The following MYT1L variants were observed in gnomAD, a reference collection of about 807,000 sequenced individuals.
MYT1L encodes the protein myelin transcription factor 1-like protein.
MYT1L carries 12 observed loss-of-function variants against 126.7 expected under a neutral mutation model. That is an observed-to-expected ratio of 0.09 (90% CI 0.06 to 0.15). MYT1L has a LOEUF of 0.15. MYT1L is among the 10% of genes least tolerant of loss of function. MYT1L has a pLI of 1.00. For missense variants in MYT1L, 979 were observed against 1,585.2 expected, an observed-to-expected ratio of 0.62 and a Z score of 6.49; for synonymous variants, 541 against 604.2, an observed-to-expected ratio of 0.90 and a Z score of 1.53.
intron 3 of MYT1L, among the ~76,000 whole-genome samples, chr2:2,170,612 T>C (rs868315939): frequency 6.6e-6 from 1 of 152,284 alleles, no homozygotes; most frequent in African/African-American, 2.4e-5. Context: ...AACATAGCAA[T>C]GTATTCCCAT....
intron 3 of MYT1L, among the ~76,000 whole-genome samples, chr2:2,055,891 T>C (rs1271727153): frequency 6.6e-6 from 1 of 152,222 alleles, no homozygotes; most frequent in Non-Finnish European, 1.5e-5. Context: ...TGTCCATCGT[T>C]GTTTTGGGAA....
In MYT1L at chr2:1,979,455, G is replaced by T; in HGVS notation, c.89+66C>A. On this transcript the variant is annotated intron_variant, in intron 7 of 24. Coordinates refer to ENST00000647738, the MANE Select transcript of MYT1L (RefSeq NM_001303052.2). The surrounding 1 kb of genome is among the most constrained non-coding windows in gnomAD (Gnocchi z 4.0). ...GCCGATGAGCTGGAAGGTGCAGTGT[G>T]CCCATTAGAAGGCGTGAATTTTCCA... 1 of 1,441,872 alleles carries T rather than the reference G, an allele frequency of 6.9e-7. No homozygotes were observed. The highest frequency in any genetic ancestry group is 9.8e-7 in the Non-Finnish European group (1 of 1,023,436). The allele number at this position is 1,441,872 out of a possible 1,614,324, so 89.3% of individuals were successfully genotyped here.
At chr2:2,136,366 C>G (rs2083054123) in intron 3 of MYT1L, among the ~76,000 whole-genome samples, 1 of 152,220 alleles carries the variant, frequency 6.6e-6, no homozygotes. Flanking sequence ...TCCTCACCGA[C>G]AAGATCAGGT....
At chr2:2,242,756 G>T (rs757365531) in intron 2 of MYT1L, among the ~76,000 whole-genome samples, 1 of 152,118 alleles carries the variant, frequency 6.6e-6, no homozygotes, top group Non-Finnish European at 1.5e-5. Flanking sequence ...CTAGTGAGTG[G>T]GCATACACCT....
intron 4 of MYT1L, among the ~76,000 whole-genome samples, chr2:2,030,912 C>T (rs990286046): frequency 6.6e-6 from 1 of 152,100 alleles, no homozygotes; most frequent in Non-Finnish European, 1.5e-5. Flanking sequence ...AAAATTGATT[C>T]GGGTTTTAAT....
chr2:1,792,591 C>T (rs1005076650), intron 23 of MYT1L, 127 bp from the exon 24 acceptor site: 21 of 1,051,454 alleles, frequency 2.0e-5, no homozygotes, highest in South Asian at 3.8e-5. Flanking sequence ...GGCTTCGGGC[C>T]GGGCGCCGTG....
At chr2:2,200,728 T>G (rs1215752853) in intron 2 of MYT1L, among the ~76,000 whole-genome samples, 5 of 152,184 alleles carry the variant, frequency 3.3e-5, no homozygotes, top group African/African-American at 1.2e-4. Flanking sequence ...TCTACTCTTC[T>G]GAAAAGGGAG....
intron 1 of MYT1L, among the ~76,000 whole-genome samples, chr2:2,315,393 A>G (rs558942447): frequency 1.6e-4 from 24 of 152,234 alleles, no homozygotes; most frequent in African/African-American, 4.8e-4. Flanking sequence ...AAAGCTTTGT[A>G]TTGGGGGTTT....
chr2:1,886,639 C>G, intron 17 of MYT1L, 32 bp from the exon 18 acceptor site: 1 of 1,457,816 alleles, frequency 6.9e-7, no homozygotes, highest in Non-Finnish European at 9.2e-7. Context: ...GCAGGTCAGT[C>G]AACTGCGAAG....
At chr2:1,800,040 T>A (rs2034544098) in intron 23 of MYT1L, 1 of 152,256 alleles carries the variant, frequency 6.6e-6, no homozygotes, top group African/African-American at 2.4e-5. Flanking sequence ...ACGCATTTCC[T>A]TTATAAACTA....
Position 2,171,465 on chromosome 2 carries a change from C to A in MYT1L, c.-304+1407G>T, listed in dbSNP as rs189715064. Reference sequence around the variant, plus strand: ...CACCCTTATAAAATATTTCACTAAACGTCCTTAACTTATTACTAAAATTCA... The same window carrying A: ...CACCCTTATAAAATATTTCACTAAAAGTCCTTAACTTATTACTAAAATTCA... On this transcript the variant is annotated intron_variant, in intron 3 of 24. Transcript: ENST00000647738. Among the ~76,000 whole-genome samples, 653 of 152,292 alleles carry A rather than the reference C, an allele frequency of 4.3e-3. 2 individuals carry two copies. Among genetic ancestry groups the A allele is most frequent in the Non-Finnish European group, 7.2e-3 (493 of 68,028 alleles).
At chr2:2,201,226 A>G (rs1326777230) in intron 2 of MYT1L, among the ~76,000 whole-genome samples, 1 of 150,594 alleles carries the variant, frequency 6.6e-6, no homozygotes, top group Non-Finnish European at 1.5e-5. Flanking sequence ...ATGGTGTCCA[A>G]AGTCAATTAC....
chr2:1,828,911 T>C (rs1024816385), intron 21 of MYT1L, among the ~76,000 whole-genome samples: 1 of 152,206 alleles, frequency 6.6e-6, no homozygotes, highest in Non-Finnish European at 1.5e-5. Context: ...CTTCTAAAAA[T>C]ACTTGTTTTT....
At chr2:1,868,721 G>T (rs569894902) in intron 18 of MYT1L, among the ~76,000 whole-genome samples, 1 of 152,328 alleles carries the variant, frequency 6.6e-6, no homozygotes, top group South Asian at 2.1e-4. Flanking sequence ...AGGCAGGGGG[G>T]ATGCAGACGA....
intron 14 of MYT1L, among the ~76,000 whole-genome samples, chr2:1,895,683 T>G (rs1372026423): frequency 6.6e-6 from 1 of 152,172 alleles, no homozygotes; most frequent in Non-Finnish European, 1.5e-5. Context: ...TATACAAAAA[T>G]TAACAAGATG....
At chr2:1,903,042 C>A in intron 14 of MYT1L, 38 bp downstream of exon 14, 1 of 1,561,576 alleles carries the variant, frequency 6.4e-7, no homozygotes. Flanking sequence ...TCATCAATGG[C>A]AACGTGTCTC....
chr2:1,878,070 T>C (rs931245456), intron 18 of MYT1L, among the ~76,000 whole-genome samples: 3 of 152,240 alleles, frequency 2.0e-5, no homozygotes, highest in Admixed American at 6.5e-5. Context: ...CTCTCTTTGA[T>C]AACACCTGAT....
At chr2:1,928,458 CT>C (rs2054516849) in intron 9 of MYT1L, among the ~76,000 whole-genome samples, 1 of 152,172 alleles carries the variant, frequency 6.6e-6, no homozygotes, top group South Asian at 2.1e-4. Context: ...ACCTGGAGTT[CT>C]GGGTGTAGCA....
chr2:2,116,795 G>A (rs2080267365), intron 3 of MYT1L, among the ~76,000 whole-genome samples: 1 of 152,244 alleles, frequency 6.6e-6, no homozygotes, highest in South Asian at 2.1e-4. Context: ...CCCACGTGGA[G>A]AGGCTGTGCA....
Sources: allele counts gnomAD v4.1 joint callset (sites outside exome capture counted in the v4.1 genomes callset), GRCh38; gene constraint gnomAD v4.1.1; non-coding constraint Gnocchi (gnomAD v3.1); transcripts MANE v1.5; gene names NCBI Gene and HGNC (gene_info 2026-07-23, HGNC 2026-07-21).